The following HMG20A variants were observed in gnomAD, a reference collection of about 807,000 sequenced individuals.
HMG20A encodes the protein high mobility group 20A.
HMG20A carries 17 observed loss-of-function variants against 43.9 expected under a neutral mutation model. The observed-to-expected ratio is 0.39, with a 90% confidence interval of 0.27 to 0.58. The LOEUF (loss-of-function observed/expected upper bound fraction) is 0.58. Among genes scored for constraint, HMG20A ranks in the 20% least tolerant of loss-of-function variants. HMG20A has a pLI of 0.59. For missense variants in HMG20A, 341 were observed against 438.2 expected, an observed-to-expected ratio of 0.78 and a Z score of 1.98; for synonymous variants, 132 against 147.5, an observed-to-expected ratio of 0.89 and a Z score of 0.76.
intron 1 of HMG20A, among the ~76,000 whole-genome samples, chr15:77,445,094 A>G (rs1008521570): frequency 2.0e-5 from 3 of 152,204 alleles, no homozygotes; most frequent in African/African-American, 7.2e-5. Context: ...TTATTACACT[A>G]TAGTTTTTAT....
chr15:77,507,866 A>T, the HMG20A span, among the ~76,000 whole-genome samples: 1 of 150,476 alleles, frequency 6.6e-6, no homozygotes. Context: ...ATGAGGATGG[A>T]AAGCATGTTG....
chr15:77,501,967 C>T, the HMG20A span, among the ~76,000 whole-genome samples: 3 of 152,142 alleles, frequency 2.0e-5, no homozygotes, highest in African/African-American at 7.2e-5. Flanking sequence ...TTTCCAGGCC[C>T]AGCTTTCATC....
chr15:77,446,083 G>A (rs149101046), intron 1 of HMG20A, among the ~76,000 whole-genome samples: 2 of 152,216 alleles, frequency 1.3e-5, no homozygotes, highest in East Asian at 1.9e-4. Flanking sequence ...ATTTTCAAAC[G>A]TGTAAGGACC....
intron 1 of HMG20A, among the ~76,000 whole-genome samples, chr15:77,443,862 C>T (rs1445806240): frequency 6.6e-6 from 1 of 151,984 alleles, no homozygotes; most frequent in Non-Finnish European, 1.5e-5. Flanking sequence ...AGGCGCGTGC[C>T]CCCATGCCCA....
chr15:77,493,202 G>A, the HMG20A span, among the ~76,000 whole-genome samples: 6 of 152,150 alleles, frequency 3.9e-5, no homozygotes, highest in Non-Finnish European at 7.4e-5. Flanking sequence ...TCAAATGCAG[G>A]AAAAGAGTAG....
intron 1 of HMG20A, among the ~76,000 whole-genome samples, chr15:77,451,576 G>A (rs1458479645): frequency 6.6e-6 from 1 of 152,162 alleles, no homozygotes; most frequent in Non-Finnish European, 1.5e-5. Context: ...CAGTATTCGA[G>A]AGACACAGAA....
intron 1 of HMG20A, among the ~76,000 whole-genome samples, chr15:77,427,406 G>T (rs1046379606): frequency 2.0e-5 from 3 of 151,984 alleles, no homozygotes; most frequent in African/African-American, 7.2e-5. Context: ...TACAAGCATG[G>T]GTAGTTCTAG....
chr15:77,488,232 T>A (rs527982739), downstream of HMG20A, among the ~76,000 whole-genome samples: 8 of 152,084 alleles, frequency 5.3e-5, 1 homozygote, highest in South Asian at 6.2e-4. Flanking sequence ...AATCTCTCTC[T>A]CACACACACA....
the HMG20A span, among the ~76,000 whole-genome samples, chr15:77,502,627 T>C: frequency 1.9e-4 from 29 of 152,292 alleles, no homozygotes; most frequent in East Asian, 5.0e-3. Flanking sequence ...TCATCTTGTA[T>C]AGCAGGGCCC....
rs988060288 is a variant in HMG20A, at chr15:77,421,019, C to T, written c.-5+15C>T. On this transcript the variant is annotated intron_variant, in intron 1 of 9. Transcript: ENST00000336216. ...GTCGTCAGCAGGTCAGTAAGCAAGGCGAGCTTGGGGGTGGCCCCAGTCGAG... is the reference window on the plus strand; with the variant it reads ...GTCGTCAGCAGGTCAGTAAGCAAGGTGAGCTTGGGGGTGGCCCCAGTCGAG... The T allele has an allele frequency of 5.0e-6, 2 of 398,640 alleles. No individual in the cohort carries two copies. The highest frequency in any genetic ancestry group is 8.8e-6 in the Non-Finnish European group (2 of 226,200). The allele number at this position is 398,640 out of a possible 1,614,324, so 24.7% of individuals were successfully genotyped here.
At chr15:77,506,821 C>T in the HMG20A span, among the ~76,000 whole-genome samples, 4 of 152,218 alleles carry the variant, frequency 2.6e-5, no homozygotes, top group Non-Finnish European at 5.9e-5. Context: ...CCCTTGTAGG[C>T]GTTTCAGTGC....
the HMG20A span, among the ~76,000 whole-genome samples, chr15:77,492,571 CT>C: frequency 2.1e-4 from 32 of 151,336 alleles, no homozygotes; most frequent in Non-Finnish European, 5.9e-5. Flanking sequence ...TGGCTCACAC[CT>C]TTTGGGAGGC....
the HMG20A span, among the ~76,000 whole-genome samples, chr15:77,513,697 C>T: frequency 6.6e-6 from 1 of 151,950 alleles, no homozygotes; most frequent in African/African-American, 2.4e-5. Context: ...GACCAGGGCC[C>T]CACCCTTATG....
chr15:77,436,911 A>G (rs568758633), intron 1 of HMG20A, among the ~76,000 whole-genome samples: 16 of 152,330 alleles, frequency 1.1e-4, no homozygotes, highest in African/African-American at 3.6e-4. Flanking sequence ...GATTTCTGAC[A>G]TGGCCCCAGA....
chr15:77,438,799 CTTT>C (rs201957957), intron 1 of HMG20A, among the ~76,000 whole-genome samples: 1 of 149,036 alleles, frequency 6.7e-6, no homozygotes, highest in Non-Finnish European at 1.5e-5. Flanking sequence ...TTTCAAGTTT[CTTT>C]TTTTTTTGAG....
the HMG20A span, among the ~76,000 whole-genome samples, chr15:77,500,074 A>G: frequency 1.3e-5 from 2 of 151,008 alleles, no homozygotes. Context: ...CAAATGATCC[A>G]CCCGCCTCGG....
rs2072939568 is a variant in HMG20A, at chr15:77,485,441, T to C, written c.*2478T>C. On this transcript the variant is annotated 3_prime_UTR_variant, in exon 10 of 10. Coordinates refer to ENST00000336216, the MANE Select transcript of HMG20A (RefSeq NM_001304504.2). ...AAAGGGAGACAAGGTATTTTATTTC[T>C]GACTGATTTTAGAAAAAACTTGTGT... is the stretch of plus-strand genomic sequence containing the variant. The C allele has an allele frequency of 6.5e-6, 1 of 152,700 alleles. No individual in the cohort carries two copies. The allele number at this position is 152,700 out of a possible 1,614,324, so 9.5% of individuals were successfully genotyped here. A position where few individuals can be genotyped will look rare whatever the true frequency, so the allele number is the denominator to read the frequency against.
intron 6 of HMG20A, among the ~76,000 whole-genome samples, chr15:77,475,578 T>G (rs1453193679): frequency 2.0e-5 from 3 of 152,246 alleles, no homozygotes; most frequent in African/African-American, 4.8e-5. Flanking sequence ...CTTAGGTAAC[T>G]GATCTCATGT....
At chr15:77,482,314 G>A (rs1317047527) in intron 9 of HMG20A, 3 of 152,116 alleles carry the variant, frequency 2.0e-5, no homozygotes, top group Non-Finnish European at 4.4e-5. Context: ...ATATACAGTG[G>A]AAGAATTACC....
Sources: gnomAD v4.1 joint callset for allele counts (sites outside exome capture counted in the v4.1 genomes callset) on GRCh38, gnomAD v4.1.1 for gene constraint, MANE v1.5 for transcripts, NCBI Gene and HGNC (gene_info 2026-07-23, HGNC 2026-07-21) for gene names.